The following NAV2 variants were observed in gnomAD, a reference collection of about 807,000 sequenced individuals.
NAV2 encodes the protein helicase, APC down-regulated 1.
A neutral mutation model predicts 223.2 loss-of-function variants in NAV2; 54 were observed. That is an observed-to-expected ratio of 0.24 (90% confidence interval 0.19 to 0.30). The LOEUF is 0.30. Among genes scored for constraint, NAV2 ranks in the 10% least tolerant of loss-of-function variants. The pLI is 1.00. For missense variants in NAV2, 2,806 were observed against 3,147.5 expected, an observed-to-expected ratio of 0.89 and a Z score of 2.60; for synonymous variants, 1,279 against 1,239.3, an observed-to-expected ratio of 1.03 and a Z score of -0.67.
At chr11:20,103,448 G>A in intron 33 of NAV2, 39 bp downstream of exon 33, 1 of 1,599,822 alleles carries the variant, frequency 6.3e-7, no homozygotes. Flanking sequence ...CCCCGGGAGA[G>A]AGTGCTGCCA....
At chr11:20,049,289 G>A (rs944575956) in intron 15 of NAV2, 94 bp downstream of exon 15, 3 of 951,312 alleles carry the variant, frequency 3.2e-6, no homozygotes, top group African/African-American at 1.6e-5. Context: ...AATAGCCTTT[G>A]CCTGTAAGAT....
At chr11:19,955,944 T>C (rs935571615) in intron 10 of NAV2, among the ~76,000 whole-genome samples, 26 of 152,048 alleles carry the variant, frequency 1.7e-4, no homozygotes, top group African/African-American at 6.0e-4. Context: ...TTATGGCAGG[T>C]TCCAGCAGGG....
chr11:19,991,247 T>G (rs1012109289), intron 11 of NAV2, among the ~76,000 whole-genome samples: 1 of 152,218 alleles, frequency 6.6e-6, no homozygotes, highest in Non-Finnish European at 1.5e-5. Context: ...TGTCTCAGCC[T>G]CCCAAGTAGC....
intron 1 of NAV2, among the ~76,000 whole-genome samples, chr11:19,414,726 G>A (rs1850292270): frequency 6.6e-6 from 1 of 151,964 alleles, no homozygotes; most frequent in African/African-American, 2.4e-5. Context: ...GCAAAAGAAT[G>A]GAAATCATAA....
At chr11:19,430,275 C>G (rs561705995) in intron 1 of NAV2, among the ~76,000 whole-genome samples, 1 of 152,334 alleles carries the variant, frequency 6.6e-6, no homozygotes, top group South Asian at 2.1e-4. Context: ...GGGGCAGTTT[C>G]CTAGAGTCAG....
At chr11:19,502,582 G>A (rs557977520) in intron 1 of NAV2, 23 of 152,280 alleles carry the variant, frequency 1.5e-4, no homozygotes, top group African/African-American at 4.6e-4. Context: ...CATTTACCTC[G>A]TTATACCTCT....
In NAV2 at chr11:20,080,196, A is replaced by G. The variant is rs751130149; in HGVS notation, c.5312A>G (p.Lys1771Arg). The G allele has an allele frequency of 2.5e-6, 4 of 1,591,450 alleles. No homozygotes were observed. Among genetic ancestry groups the G allele is most frequent in the Admixed American group, 3.4e-5 (2 of 59,312 alleles). ...ATAGAGAGTGACTCAAAGAAGAAGA[A>G]GCGGAAGAACTGGGTGAGTGCACAT... ...SNIESDSKKK[K>R]RKNWLRSSFK... Residue 1771 changes from lysine (K) to arginine (R), a missense_variant, in exon 25 of 38, where the codon AAG becomes AGG. Physicochemically the swap from Lys to Arg is conservative, Grantham distance 26. Around this residue, in one of 4 missense-constraint regions of NAV2, gnomAD observed 824 missense variants for 1,069.4 expected, o/e 0.77. Transcript: ENST00000349880.
At chr11:19,360,609 G>T (rs1853879506) in intron 1 of NAV2, among the ~76,000 whole-genome samples, 1 of 152,214 alleles carries the variant, frequency 6.6e-6, no homozygotes, top group South Asian at 2.1e-4. Flanking sequence ...TATCACTAGG[G>T]TAGGGACAGC....
chr11:19,397,715 C>A (rs569449342), intron 1 of NAV2, among the ~76,000 whole-genome samples: 1 of 152,302 alleles, frequency 6.6e-6, no homozygotes, highest in Non-Finnish European at 1.5e-5. Context: ...AAGATCAGCT[C>A]TTAAGAGACC....
intron 1 of NAV2, among the ~76,000 whole-genome samples, chr11:19,412,603 C>T (rs1194388922): frequency 1.3e-5 from 2 of 152,192 alleles, no homozygotes; most frequent in South Asian, 2.1e-4. Context: ...TCAAGTGGGT[C>T]GCTGACCCCT....
chr11:19,913,812 G>T (rs987896003), intron 6 of NAV2, among the ~76,000 whole-genome samples: 2 of 152,174 alleles, frequency 1.3e-5, no homozygotes, highest in African/African-American at 4.8e-5. Context: ...GATGGATGGT[G>T]ACTAGCTCTA....
intron 9 of NAV2, among the ~76,000 whole-genome samples, chr11:19,947,439 G>A (rs2047021758): frequency 6.6e-6 from 1 of 152,202 alleles, no homozygotes; most frequent in African/African-American, 2.4e-5. Context: ...CTGAATGAAG[G>A]GGAGTCAGAT....
At chr11:19,571,839 C>T (rs185425062) in intron 1 of NAV2, among the ~76,000 whole-genome samples, 70 of 152,324 alleles carry the variant, frequency 4.6e-4, no homozygotes, top group Non-Finnish European at 2.9e-5. Flanking sequence ...ACTATATCCC[C>T]TTCCCACTGG....
chr11:19,891,951 A>C (rs867021694), intron 5 of NAV2, among the ~76,000 whole-genome samples: 1 of 151,972 alleles, frequency 6.6e-6, no homozygotes. Context: ...AAAAAAATGA[A>C]CTTTGTTTTT....
intron 1 of NAV2, among the ~76,000 whole-genome samples, chr11:19,693,046 T>C (rs1018766298): frequency 6.6e-6 from 1 of 152,244 alleles, no homozygotes; most frequent in African/African-American, 2.4e-5. Flanking sequence ...TAGCCTCCTA[T>C]CTAACCAAAG....
chr11:19,877,585 G>A lies in NAV2; in HGVS notation c.512-2284G>A, dbSNP rs888289945. Among the ~76,000 whole-genome samples, 2 of 149,190 alleles carry A rather than the reference G, an allele frequency of 1.3e-5. 1 individual carries two copies. Among genetic ancestry groups the A allele is most frequent in the South Asian group, 4.2e-4 (2 of 4,708 alleles). On this transcript the variant is annotated intron_variant, in intron 4 of 37. Transcript: ENST00000349880. ...CCTCCCGGGTTCATGCCATTCTCCT[G>A]CCTCAGCCTCCTGAGTAGCTGGGAC...
chr11:19,663,150 T>G (rs1459655674), intron 1 of NAV2, among the ~76,000 whole-genome samples: 2 of 152,098 alleles, frequency 1.3e-5, no homozygotes, highest in Non-Finnish European at 2.9e-5. Context: ...CACAAGACAG[T>G]GTGTATGTGT....
chr11:19,954,791 A>G (rs528670501), intron 10 of NAV2, among the ~76,000 whole-genome samples: 2 of 152,070 alleles, frequency 1.3e-5, no homozygotes, highest in African/African-American at 4.8e-5. Flanking sequence ...CTGTATCTGT[A>G]TTAGCACTGG....
chr11:19,696,264 G>A (rs2049337687), intron 1 of NAV2, among the ~76,000 whole-genome samples: 1 of 152,244 alleles, frequency 6.6e-6, no homozygotes, highest in African/African-American at 2.4e-5. Context: ...ACATTTCCCA[G>A]TGTTCCCATC....
Sources: gnomAD v4.1 joint callset for allele counts (sites outside exome capture counted in the v4.1 genomes callset) on GRCh38, gnomAD v4.1.1 for gene constraint, gnomAD v4.1.1 regional missense constraint, MANE v1.5 for transcripts, NCBI Gene and HGNC (gene_info 2026-07-23, HGNC 2026-07-21) for gene names.